Variants in LPIN2 observed in about 807,000 individuals in gnomAD.
LPIN2 encodes the protein phosphatidate phosphatase LPIN2.
In LPIN2, 55 loss-of-function variants were observed where a neutral mutation model predicts 111.4. The observed-to-expected ratio is 0.49, with a 90% CI of 0.40 to 0.62. LPIN2 has a LOEUF of 0.62. Ranked by LOEUF, LPIN2 falls within the 20% of genes least tolerant of loss-of-function variation. The pLI is 0.00. For synonymous variants in LPIN2, 425 were observed against 414.0 expected (o/e 1.03, Z -0.32); for missense variants, 992 against 1,112.1 (o/e 0.89, Z 1.54).
intron 6 of LPIN2, among the ~76,000 whole-genome samples, chr18:2,938,589 C>T (rs556912902): frequency 2.0e-5 from 3 of 152,164 alleles, no homozygotes; most frequent in African/African-American, 7.2e-5. Flanking sequence ...AGGAAACTGA[C>T]AATTTTCAGT....
chr18:2,923,936 C>A, intron 15 of LPIN2, 75 bp from the exon 16 acceptor site: 1 of 1,189,898 alleles, frequency 8.4e-7, no homozygotes, highest in Non-Finnish European at 1.3e-6. Context: ...GGTTGACTAT[C>A]AGCTGCCAAT....
chr18:2,927,482 G>A (rs1350069738), intron 12 of LPIN2, among the ~76,000 whole-genome samples: 1 of 152,138 alleles, frequency 6.6e-6, no homozygotes, highest in Non-Finnish European at 1.5e-5. Context: ...ATGTGACTTC[G>A]TGAAGCACCC....
chr18:2,928,317 A>G (rs1394545634), intron 11 of LPIN2, among the ~76,000 whole-genome samples: 1 of 152,170 alleles, frequency 6.6e-6, no homozygotes, highest in East Asian at 1.9e-4. Context: ...TTAACTTATG[A>G]TTAGTAAAAT....
intron 1 of LPIN2, among the ~76,000 whole-genome samples, chr18:3,000,808 C>A (rs780235342): frequency 2.8e-4 from 43 of 152,230 alleles, no homozygotes; most frequent in Non-Finnish European, 5.4e-4. Flanking sequence ...TGGGTACTTC[C>A]CGTGTTCCCT....
intron 4 of LPIN2, among the ~76,000 whole-genome samples, chr18:2,944,812 AAG>A (rs2077425011): frequency 6.6e-6 from 1 of 152,184 alleles, no homozygotes; most frequent in Non-Finnish European, 1.5e-5. Flanking sequence ...ATATTCAGGA[AAG>A]AGGTTTTTAA....
At position 2,919,605 on chromosome 18, in the gene LPIN2, A is replaced by C; in HGVS notation, c.*688T>G. 6.5e-6 allele frequency: 1 copy of C among 153,948 alleles called. No individual in the cohort carries two copies. The highest frequency in any genetic ancestry group is 1.4e-5 in the Non-Finnish European group (1 of 69,278). 9.5% of individuals were successfully genotyped at this position (153,948 alleles called of 1,614,324 possible). On this transcript the variant is annotated 3_prime_UTR_variant, in exon 20 of 20. Coordinates refer to ENST00000677752, the MANE Select transcript of LPIN2 (RefSeq NM_001375808.2). ...ACTTGTGAGACCTGTTCTTCTGGTG[A>C]GGACTAAGAAATTAAGGGCTCGTGG...
intron 2 of LPIN2, among the ~76,000 whole-genome samples, chr18:2,960,041 G>A (rs1386534007): frequency 1.3e-5 from 2 of 152,036 alleles, no homozygotes; most frequent in Non-Finnish European, 2.9e-5. Flanking sequence ...ATGGTTGCAC[G>A]TGCCTGTAAT....
chr18:3,006,753 C>T (rs1429261741), intron 1 of LPIN2, among the ~76,000 whole-genome samples: 1 of 152,014 alleles, frequency 6.6e-6, no homozygotes, highest in Non-Finnish European at 1.5e-5. Flanking sequence ...AGGAGAATGG[C>T]ATGAACCCGG....
intron 1 of LPIN2, among the ~76,000 whole-genome samples, chr18:2,961,633 G>A (rs1598572960): frequency 1.3e-5 from 2 of 152,150 alleles, no homozygotes; most frequent in South Asian, 4.1e-4. Flanking sequence ...AAAGCCAGGG[G>A]TGGCTTTATT....
intron 1 of LPIN2, among the ~76,000 whole-genome samples, chr18:2,987,284 G>T (rs2078200811): frequency 6.6e-6 from 1 of 152,148 alleles, no homozygotes; most frequent in Non-Finnish European, 1.5e-5. Context: ...TCACAACACT[G>T]AGGCCAAGTG....
At chr18:2,988,995 T>C (rs999839357) in intron 1 of LPIN2, among the ~76,000 whole-genome samples, 14 of 152,312 alleles carry the variant, frequency 9.2e-5, no homozygotes, top group East Asian at 5.8e-4. Flanking sequence ...ATTGAAATCA[T>C]AGAAGAAAAC....
intron 1 of LPIN2, among the ~76,000 whole-genome samples, chr18:2,986,466 T>TA (rs386386869): frequency 7.1e-4 from 2 of 2,802 alleles, no homozygotes; most frequent in Non-Finnish European, 0.021. Flanking sequence ...CTCCCAAAGA[T>TA]AAACTTCTTT....
At chr18:3,007,451 G>A (rs917281624) in intron 1 of LPIN2, among the ~76,000 whole-genome samples, 7 of 152,192 alleles carry the variant, frequency 4.6e-5, no homozygotes, top group Admixed American at 3.3e-4. Context: ...GATTACAGGC[G>A]TAAGCCACCA....
In LPIN2 at chr18:2,921,500, C is replaced by T. The variant is rs770214164; in HGVS notation, c.2442+33G>A. The T allele has an allele frequency of 9.3e-6, 14 of 1,503,064 alleles. No homozygotes were observed. The East Asian group carries it at 2.9e-4, about 31-fold the overall frequency. The allele number at this position is 1,503,064 out of a possible 1,614,324, so 93.1% of individuals were successfully genotyped here. Reference sequence around the variant, plus strand: ...GAAGTACATCCCTCTGAATTTCACCCACATCAGAACCCAGAGCCCAGGAGA... The same window carrying T: ...GAAGTACATCCCTCTGAATTTCACCTACATCAGAACCCAGAGCCCAGGAGA... On this transcript the variant is annotated intron_variant, in intron 18 of 19. Coordinates refer to ENST00000677752, the MANE Select transcript of LPIN2 (RefSeq NM_001375808.2).
chr18:2,953,841 A>G (rs1598562766), intron 3 of LPIN2, among the ~76,000 whole-genome samples: 1 of 152,044 alleles, frequency 6.6e-6, no homozygotes, highest in Non-Finnish European at 1.5e-5. Context: ...ATCTATTATT[A>G]ATAAATAAAT....
At chr18:3,009,573 G>T (rs953669814) in intron 1 of LPIN2, among the ~76,000 whole-genome samples, 3 of 151,704 alleles carry the variant, frequency 2.0e-5, no homozygotes, top group Admixed American at 2.0e-4. Context: ...AGAGTAGCTG[G>T]GTCTACAGGC....
intron 1 of LPIN2, among the ~76,000 whole-genome samples, chr18:2,999,758 C>T (rs981192555): frequency 2.6e-5 from 4 of 152,142 alleles, no homozygotes; most frequent in Middle Eastern, 3.4e-3. Context: ...TAGGAGAGGA[C>T]GCTAATAAAA....
intron 4 of LPIN2, among the ~76,000 whole-genome samples, chr18:2,941,048 T>A (rs2077360918): frequency 6.6e-6 from 1 of 152,226 alleles, no homozygotes; most frequent in Non-Finnish European, 1.5e-5. Context: ...TAATATTTCA[T>A]TGTAGATTTT....
intron 1 of LPIN2, among the ~76,000 whole-genome samples, 158 bp downstream of exon 1, chr18:3,012,929 G>A (rs900464419): frequency 2.0e-5 from 3 of 151,408 alleles, no homozygotes; most frequent in East Asian, 3.9e-4. Context: ...AGCGGGGACC[G>A]CGGCGCGAGG....
Sources: gnomAD v4.1 joint callset for allele counts (sites outside exome capture counted in the v4.1 genomes callset) on GRCh38, gnomAD v4.1.1 for gene constraint, MANE v1.5 for transcripts, NCBI Gene and HGNC (gene_info 2026-07-23, HGNC 2026-07-21) for gene names.